The following NDRG4 variants were observed in gnomAD, a reference collection of about 807,000 sequenced individuals.
The protein encoded by NDRG4 is NDRG family member 4, also known as protein NDRG4.
In NDRG4, 38 loss-of-function variants were observed where a neutral mutation model predicts 55.8. That is an observed-to-expected ratio of 0.68 (90% CI 0.53 to 0.89). The LOEUF is 0.89. Among genes scored for constraint, NDRG4 ranks in the 40% least tolerant of loss-of-function variants. The pLI, the probability that NDRG4 is intolerant of heterozygous loss-of-function variation, is 0.00. For missense variants in NDRG4, 455 were observed against 468.6 expected (o/e 0.97, Z 0.27); for synonymous variants, 190 against 182.7 (o/e 1.04, Z -0.32).
intron 1 of NDRG4, among the ~76,000 whole-genome samples, chr16:58,471,686 C>A (rs776210856): frequency 5.3e-5 from 8 of 152,134 alleles, no homozygotes; most frequent in Non-Finnish European, 1.0e-4. Flanking sequence ...CCAGAGTGAT[C>A]AGGTGTCTTA....
intron 1 of NDRG4, among the ~76,000 whole-genome samples, chr16:58,474,028 C>CTTTT (rs1168834628): frequency 1.8e-4 from 18 of 101,172 alleles, no homozygotes; most frequent in South Asian, 3.2e-4. Context: ...TTTTCTTTCC[C>CTTTT]TTTTTTTTTT....
At chr16:58,466,390 C>T (rs916301177) in intron 1 of NDRG4, among the ~76,000 whole-genome samples, 10 of 152,188 alleles carry the variant, frequency 6.6e-5, no homozygotes, top group African/African-American at 2.4e-4. Flanking sequence ...CTTCCTGCCC[C>T]CAAAGGGCCT....
chr16:58,496,732 A>C (rs888859997), upstream of NDRG4, among the ~76,000 whole-genome samples: 7 of 152,238 alleles, frequency 4.6e-5, no homozygotes, highest in African/African-American at 1.7e-4. Flanking sequence ...TGGGCCCCTC[A>C]TATGGACACT....
chr16:58,506,610 G>A lies in NDRG4; in HGVS notation c.512G>A (p.Ser171Asn). The A allele has an allele frequency of 1.3e-6, 2 of 1,554,918 alleles. No homozygotes were observed. Among genetic ancestry groups the A allele is most frequent in the Non-Finnish European group, 1.7e-6 (2 of 1,152,240 alleles). The change falls in exon 7 of 15, where the codon AGC becomes AAC. Residue 171 changes from serine (S) to asparagine (N), a missense_variant. Physicochemically the swap from Ser to Asn is conservative, Grantham distance 46 (BLOSUM62 1). Transcript: ENST00000570248. ...LPDTVLSHLF[S>N]QEELVNNTEL... Reference sequence around the variant, plus strand: ...GACACGGTGCTCTCCCACCTCTTCAGCCAGGTAAGGGGGGGAACTTCTGCA... The same window carrying A: ...GACACGGTGCTCTCCCACCTCTTCAACCAGGTAAGGGGGGGAACTTCTGCA...
At chr16:58,506,137 T>TGTGTGTGTGTGA in intron 5 of NDRG4, 1 of 576,968 alleles carries the variant, frequency 1.7e-6, no homozygotes, top group Non-Finnish European at 3.1e-6. Context: ...AAAGAGCGTG[T>TGTGTGTGTGTGA]GTGTGTGTGT....
intron 2 of NDRG4, among the ~76,000 whole-genome samples, chr16:58,489,245 G>C (rs1337492275): frequency 6.6e-6 from 1 of 151,858 alleles, no homozygotes; most frequent in Non-Finnish European, 1.5e-5. Context: ...CTGCACCGCC[G>C]CACTCCAGCC....
intron 5 of NDRG4, among the ~76,000 whole-genome samples, chr16:58,505,221 C>T (rs920012629): frequency 6.6e-6 from 1 of 151,294 alleles, no homozygotes; most frequent in Admixed American, 6.6e-5. Context: ...TAGTGGCGGG[C>T]GCCTGTAGTC....
In NDRG4 at chr16:58,500,183, T is replaced by C. The variant is rs1219590390; in HGVS notation, c.-66T>C. The C allele has an allele frequency of 6.5e-7, 1 of 1,535,906 alleles. No homozygotes were observed. The highest frequency in any genetic ancestry group is 8.7e-7 in the Non-Finnish European group (1 of 1,146,846). On this transcript the variant is annotated 5_prime_UTR_variant, in exon 1 of 15. Coordinates refer to ENST00000570248, the MANE Select transcript of NDRG4 (RefSeq NM_001242835.2). ...TCCCACTCGAGCTGCCCCCGCCCTC[T>C]GGACCCGAGTGACTCAGGCCTTTGT...
intron 2 of NDRG4, among the ~76,000 whole-genome samples, chr16:58,490,963 C>G (rs141967490): frequency 1.4e-5 from 2 of 145,334 alleles, no homozygotes; most frequent in Non-Finnish European, 3.0e-5. Context: ...GGCGACAGAG[C>G]GAGGCTCTGT....
intron 13 of NDRG4, among the ~76,000 whole-genome samples, chr16:58,509,954 A>G (rs1051580842): frequency 7.9e-5 from 12 of 152,044 alleles, no homozygotes; most frequent in African/African-American, 2.4e-4. Context: ...ACACACACAC[A>G]CACACAACAC....
Position 58,504,585 on chromosome 16 carries a change from C to T in NDRG4, c.312-4C>T. The stretch of plus-strand genomic sequence containing the variant: ...CCTAGAGTGACCAGCCTGCTCTGCA[C>T]CAGGTTCAAGTATGTGATTGGCATC... On this transcript the variant is annotated splice_region_variant and splice_polypyrimidine_tract_variant and intron_variant, in intron 4 of 14. Transcript: ENST00000570248. 3.1e-6 allele frequency: 5 copies of T among 1,614,196 alleles called. 1 individual carries two copies. The East Asian group carries it at 1.1e-4, about 36-fold the overall frequency.
intron 1 of NDRG4, among the ~76,000 whole-genome samples, chr16:58,486,003 G>T (rs1161467947): frequency 1.3e-5 from 2 of 152,112 alleles, no homozygotes; most frequent in African/African-American, 4.8e-5. Context: ...CTGAGAGTAT[G>T]AACCTTTTAA....
At chr16:58,504,322 G>A in intron 3 of NDRG4, 37 bp from the exon 4 acceptor site, 1 of 1,613,940 alleles carries the variant, frequency 6.2e-7, no homozygotes, top group Non-Finnish European at 8.5e-7. Flanking sequence ...TGCACCTGAG[G>A]CCACACCTGG....
At chr16:58,487,672 C>T (rs941601777) in intron 1 of NDRG4, 22 of 1,159,874 alleles carry the variant, frequency 1.9e-5, no homozygotes, top group Non-Finnish European at 2.6e-5. Flanking sequence ...TTTCCGCGCT[C>T]CCGCCCCAGC....
chr16:58,507,069 G>GCA (rs1349510876), intron 8 of NDRG4, 54 bp downstream of exon 8: 1 of 1,378,718 alleles, frequency 7.3e-7, no homozygotes, highest in Non-Finnish European at 1.0e-6. Context: ...GGGGGCCCTT[G>GCA]CACACTGCCC....
chr16:58,468,534 A>C (rs1356987329), intron 1 of NDRG4, among the ~76,000 whole-genome samples: 1 of 152,222 alleles, frequency 6.6e-6, no homozygotes, highest in African/African-American at 2.4e-5. Flanking sequence ...CAGCCTGGTC[A>C]ACATGGCGAA....
At chr16:58,499,901 G>C (rs2036852824), upstream of NDRG4, 1 of 446,118 alleles carries the variant, frequency 2.2e-6, no homozygotes, top group Non-Finnish European at 4.2e-6. Context: ...TATGTGCTGG[G>C]GGCGGATGCA....
intron 2 of NDRG4, among the ~76,000 whole-genome samples, chr16:58,488,226 G>C (rs1448782397): frequency 6.6e-6 from 1 of 152,216 alleles, no homozygotes; most frequent in Non-Finnish European, 1.5e-5. Flanking sequence ...AGGGCATGCT[G>C]CTCCTCCGTC....
At chr16:58,500,086 G>A (rs2036872412), upstream of NDRG4, 1 of 1,503,100 alleles carries the variant, frequency 6.7e-7, no homozygotes, top group South Asian at 1.2e-5. Context: ...GGGGAGGAGG[G>A]GCTAGCTAGG....
Sources: allele counts gnomAD v4.1 joint callset (sites outside exome capture counted in the v4.1 genomes callset), GRCh38; gene constraint gnomAD v4.1.1; transcripts MANE v1.5; gene names NCBI Gene and HGNC (gene_info 2026-07-23, HGNC 2026-07-21).